NRXN3: variants seen among roughly 807,000 people sequenced by gnomAD.
NRXN3 encodes neurexin 3, also known as neurexin III.
Under a neutral mutation model 137.6 loss-of-function variants are expected in NRXN3, and 32 were observed. The ratio of observed to expected loss-of-function variants is 0.23; its 90% CI spans 0.18 to 0.31. The LOEUF is 0.31. NRXN3 is among the 10% of genes least tolerant of loss of function. NRXN3 has a pLI of 1.00. For synonymous variants in NRXN3, 798 were observed against 784.5 expected (o/e 1.02, Z -0.29); for missense variants, 1,574 against 2,062.5 (o/e 0.76, Z 4.59).
chr14:78,728,913 A>C (rs772786781), intron 8 of NRXN3, among the ~76,000 whole-genome samples: 2 of 152,124 alleles, frequency 1.3e-5, no homozygotes, highest in African/African-American at 2.4e-5. Flanking sequence ...ACAAACAAAC[A>C]AACAACAACA....
chr14:78,816,020 T>A (rs2098931827), intron 10 of NRXN3, among the ~76,000 whole-genome samples: 1 of 152,204 alleles, frequency 6.6e-6, no homozygotes, highest in Non-Finnish European at 1.5e-5. Flanking sequence ...TCTATCTTCA[T>A]AACGCATATT....
intron 15 of NRXN3, among the ~76,000 whole-genome samples, chr14:79,132,735 C>G (rs1271758705): frequency 6.6e-6 from 1 of 152,146 alleles, no homozygotes; most frequent in Non-Finnish European, 1.5e-5. Context: ...AGGCTGAGTT[C>G]CCTAGGAACA....
chr14:79,696,240 C>T (rs1290901568), intron 18 of NRXN3, among the ~76,000 whole-genome samples: 3 of 151,904 alleles, frequency 2.0e-5, no homozygotes, highest in African/African-American at 7.2e-5. Context: ...CCAAACGTGA[C>T]AATATCCCTC....
chr14:78,961,649 G>T (rs1048044397), intron 11 of NRXN3, among the ~76,000 whole-genome samples: 1 of 152,134 alleles, frequency 6.6e-6, no homozygotes, highest in Admixed American at 6.6e-5. Context: ...CTTCATATCC[G>T]TTTTACAGAT....
intron 15 of NRXN3, among the ~76,000 whole-genome samples, chr14:79,159,084 T>C (rs113597781): frequency 1.7e-3 from 256 of 152,010 alleles, no homozygotes; most frequent in African/African-American, 5.6e-3. Flanking sequence ...AATACTCTCA[T>C]AATAAGCAGG....
intron 2 of NRXN3, among the ~76,000 whole-genome samples, chr14:78,259,874 A>G (rs958346559): frequency 6.6e-6 from 1 of 152,130 alleles, no homozygotes; most frequent in African/African-American, 2.4e-5. Flanking sequence ...TTGCTTATCT[A>G]GCGTAAGTCA....
intron 20 of NRXN3, among the ~76,000 whole-genome samples, chr14:79,840,101 A>T (rs2099352825): frequency 6.6e-6 from 1 of 152,182 alleles, no homozygotes; most frequent in Non-Finnish European, 1.5e-5. Flanking sequence ...TTCAGGTCAC[A>T]GAAGTTGGAT....
chr14:79,184,001 C>T (rs982855891), intron 15 of NRXN3, among the ~76,000 whole-genome samples: 16 of 152,256 alleles, frequency 1.1e-4, no homozygotes, highest in African/African-American at 3.6e-4. Flanking sequence ...AATAACAAAG[C>T]AGCCACAACA....
intron 4 of NRXN3, among the ~76,000 whole-genome samples, chr14:78,452,968 G>A (rs543364519): frequency 6.8e-4 from 104 of 152,306 alleles, no homozygotes; most frequent in Admixed American, 2.0e-3. Context: ...GATAGAATGC[G>A]AAAGTTACAT....
Position 78,516,196 on chromosome 14 carries a change from G to C in NRXN3, c.758-128924G>C, listed in dbSNP as rs568650380. ...GTGAGAAGGCCAATATAGAGCTGGGGTTAAACATGTCAAGAATTCAAAGCT... is the reference window on the plus strand; with the variant it reads ...GTGAGAAGGCCAATATAGAGCTGGGCTTAAACATGTCAAGAATTCAAAGCT... On this transcript the variant is annotated intron_variant, in intron 4 of 20. Transcript: ENST00000335750. Among the ~76,000 whole-genome samples the C allele has an allele frequency of 1.0e-3, 156 of 151,862 alleles. 2 individuals carry two copies. The highest frequency in any genetic ancestry group is 0.01 in the Admixed American group (154 of 15,246).
intron 4 of NRXN3, among the ~76,000 whole-genome samples, chr14:78,391,700 TAC>T (rs1305396891): frequency 6.6e-6 from 1 of 152,152 alleles, no homozygotes; most frequent in African/African-American, 2.4e-5. Context: ...CATGAACACA[TAC>T]ACCCAATGAA....
At chr14:78,794,595 G>T (rs903311384) in intron 8 of NRXN3, among the ~76,000 whole-genome samples, 2 of 149,964 alleles carry the variant, frequency 1.3e-5, no homozygotes, top group African/African-American at 5.0e-5. Context: ...TAAAGAGTTT[G>T]TCTATTCTAT....
At chr14:78,623,778 G>A (rs1485880770) in intron 4 of NRXN3, among the ~76,000 whole-genome samples, 2 of 152,260 alleles carry the variant, frequency 1.3e-5, no homozygotes, top group African/African-American at 4.8e-5. Context: ...ATGTTGGTCA[G>A]GCTGGTCTAA....
At chr14:78,680,095 T>G (rs1307195402) in intron 6 of NRXN3, among the ~76,000 whole-genome samples, 2 of 152,130 alleles carry the variant, frequency 1.3e-5, no homozygotes, top group African/African-American at 4.8e-5. Flanking sequence ...TGGATGGAAC[T>G]GGAGGCCATT....
At chr14:79,253,494 T>A (rs560205416) in intron 15 of NRXN3, among the ~76,000 whole-genome samples, 1 of 152,320 alleles carries the variant, frequency 6.6e-6, no homozygotes, top group South Asian at 2.1e-4. Flanking sequence ...AAATTAGACT[T>A]CTTGCTAACC....
chr14:79,364,597 A>G (rs1232168456), intron 15 of NRXN3, among the ~76,000 whole-genome samples: 1 of 152,222 alleles, frequency 6.6e-6, no homozygotes. Context: ...AGAAAAATTA[A>G]TAATTAGGCA....
At chr14:79,710,092 T>A (rs2098797549) in intron 19 of NRXN3, among the ~76,000 whole-genome samples, 1 of 152,192 alleles carries the variant, frequency 6.6e-6, no homozygotes, top group African/African-American at 2.4e-5. Flanking sequence ...TTATTGTTGC[T>A]GTTGTTTTCC....
At chr14:78,563,296 G>A (rs772662498) in intron 4 of NRXN3, among the ~76,000 whole-genome samples, 9 of 152,220 alleles carry the variant, frequency 5.9e-5, no homozygotes, top group Non-Finnish European at 7.3e-5. Flanking sequence ...ACTACACAAA[G>A]GGAAATATTA....
intron 3 of NRXN3, among the ~76,000 whole-genome samples, chr14:78,290,519 C>A (rs1671863610): frequency 6.6e-6 from 1 of 152,156 alleles, no homozygotes; most frequent in African/African-American, 2.4e-5. Flanking sequence ...GTAATCGCAA[C>A]TACTCAGGAG....
Sources: allele counts gnomAD v4.1 joint callset (sites outside exome capture counted in the v4.1 genomes callset), GRCh38; gene constraint gnomAD v4.1.1; transcripts MANE v1.5; gene names NCBI Gene and HGNC (gene_info 2026-07-23, HGNC 2026-07-21).